RYR3: variants seen among roughly 807,000 people sequenced by gnomAD.
RYR3 encodes ryanodine receptor 3, also known as brain ryanodine receptor-calcium release channel.
RYR3 carries 207 observed loss-of-function variants against 584.3 expected under a neutral mutation model. The ratio of observed to expected loss-of-function variants is 0.35; its 90% confidence interval spans 0.32 to 0.40. RYR3 has a LOEUF of 0.40. Ranked by LOEUF, RYR3 falls within the 10% of genes least tolerant of loss-of-function variation. RYR3 has a pLI of 1.00. For missense variants in RYR3, 5,616 were observed against 6,089.2 expected, an observed-to-expected ratio of 0.92 and a Z score of 2.59; for synonymous variants, 2,416 against 2,248.5, an observed-to-expected ratio of 1.07 and a Z score of -2.11.
intron 71 of RYR3, 26 bp downstream of exon 71, chr15:33,810,675 A>T: frequency 6.2e-7 from 1 of 1,613,584 alleles, no homozygotes; most frequent in Non-Finnish European, 8.5e-7. Context: ...GCCTGGGCTG[A>T]GTGTGTGATC....
chr15:33,865,397 C>G lies in RYR3; in HGVS notation c.*171C>G, dbSNP rs1597153688. On this transcript the variant is annotated 3_prime_UTR_variant, in exon 104 of 104. Coordinates refer to ENST00000634891, the MANE Select transcript of RYR3 (RefSeq NM_001036.6). ...TTGAAATTGATTTGGCTTTTTGTGC[C>G]TAATGGACATACACTGTGGGAGAGA... is the stretch of plus-strand genomic sequence containing the variant. 1 of 589,244 alleles carries G rather than the reference C, an allele frequency of 1.7e-6. No individual in the cohort carries two copies. The allele number at this position is 589,244 out of a possible 1,614,324, so 36.5% of individuals were successfully genotyped here. A position where few individuals can be genotyped will look rare whatever the true frequency, so the allele number is the denominator to read the frequency against.
chr15:33,388,611 A>G (rs1229266088), intron 1 of RYR3, among the ~76,000 whole-genome samples: 1 of 152,236 alleles, frequency 6.6e-6, no homozygotes, highest in Non-Finnish European at 1.5e-5. Flanking sequence ...ATAAAATGCT[A>G]TAAAATAAAG....
At chr15:33,464,896 C>G (rs1413875237) in intron 1 of RYR3, among the ~76,000 whole-genome samples, 7 of 152,130 alleles carry the variant, frequency 4.6e-5, no homozygotes, top group Non-Finnish European at 1.0e-4. Flanking sequence ...CCCACTGTCC[C>G]CATCCCCCCT....
chr15:33,550,215 A>G lies in RYR3; in HGVS notation c.871A>G (p.Thr291Ala). Reference protein sequence around the residue: ...GQAFRLRHLTTGHYLALTEDQ... With the variant: ...GQAFRLRHLTAGHYLALTEDQ... ...GGCTTTCCGACTCCGGCATCTCACCACAGGCCACTACCTGGCCTTGACAGA... is the reference window on the plus strand; with the variant it reads ...GGCTTTCCGACTCCGGCATCTCACCGCAGGCCACTACCTGGCCTTGACAGA... Residue 291 changes from threonine (T) to alanine (A), a missense_variant, in exon 10 of 104, where the codon ACA (threonine) becomes GCA (alanine). This residue lies in a region of RYR3 where 1,284 missense variants were observed against 1,344.6 expected (regional missense o/e 0.95). Coordinates refer to ENST00000634891, the MANE Select transcript of RYR3 (RefSeq NM_001036.6). 1.2e-6 allele frequency: 2 copies of G among 1,613,778 alleles called. No individual in the cohort carries two copies. The highest frequency in any genetic ancestry group is 1.7e-6 in the Non-Finnish European group (2 of 1,179,786).
chr15:33,556,470 TA>T (rs1258818369), intron 10 of RYR3, among the ~76,000 whole-genome samples: 1 of 152,226 alleles, frequency 6.6e-6, no homozygotes, highest in Non-Finnish European at 1.5e-5. Context: ...AATGCTGCAT[TA>T]GAGTTCAAAA....
intron 11 of RYR3, among the ~76,000 whole-genome samples, chr15:33,564,994 C>T (rs543699457): frequency 6.6e-6 from 1 of 152,252 alleles, no homozygotes; most frequent in African/African-American, 2.4e-5. Flanking sequence ...ACCAATCGAG[C>T]ACAAACAGAA....
At chr15:33,405,470 A>T (rs2042958414) in intron 1 of RYR3, among the ~76,000 whole-genome samples, 1 of 152,200 alleles carries the variant, frequency 6.6e-6, no homozygotes, top group African/African-American at 2.4e-5. Context: ...AGTAGAAAGA[A>T]AGAGTTGAAG....
chr15:33,744,199 AT>A (rs1216062000), intron 52 of RYR3, among the ~76,000 whole-genome samples: 1 of 152,086 alleles, frequency 6.6e-6, no homozygotes, highest in Non-Finnish European at 1.5e-5. Context: ...CTAGGATGGC[AT>A]TTTTCAGATT....
chr15:33,430,761 C>T (rs963088310), intron 1 of RYR3, among the ~76,000 whole-genome samples: 1 of 152,180 alleles, frequency 6.6e-6, no homozygotes, highest in African/African-American at 2.4e-5. Flanking sequence ...TTGCTTATCA[C>T]GTTGCTCATT....
At position 33,313,107 on chromosome 15, in the gene RYR3, G is replaced by A. The variant is rs144416618; in HGVS notation, c.51+2011G>A. Among the ~76,000 whole-genome samples the A allele has an allele frequency of 1.4e-3, 217 of 152,296 alleles. 1 individual carries two copies. Among genetic ancestry groups the A allele is most frequent in the African/African-American group, 5.1e-3 (210 of 41,566 alleles). On this transcript the variant is annotated intron_variant, in intron 1 of 103. Transcript: ENST00000634891. ...CATGGGGGCAGTGACTCCAAATGTGGCGTTATTGGTTCTTTTCCTTCTAGT... is the reference window on the plus strand; with the variant it reads ...CATGGGGGCAGTGACTCCAAATGTGACGTTATTGGTTCTTTTCCTTCTAGT...
At chr15:33,640,958 G>C (rs1251540040) in intron 27 of RYR3, among the ~76,000 whole-genome samples, 2 of 152,210 alleles carry the variant, frequency 1.3e-5, no homozygotes, top group African/African-American at 4.8e-5. Context: ...CTTTATGACA[G>C]ATAGTAATGC....
chr15:33,809,990 G>C (rs1388026896), intron 70 of RYR3, among the ~76,000 whole-genome samples: 1 of 152,122 alleles, frequency 6.6e-6, no homozygotes, highest in Non-Finnish European at 1.5e-5. Context: ...TCCTTTTCCT[G>C]TAAGAATTTG....
intron 46 of RYR3, 80 bp downstream of exon 46, chr15:33,726,586 T>G: frequency 6.9e-7 from 1 of 1,439,172 alleles, no homozygotes; most frequent in Non-Finnish European, 9.2e-7. Flanking sequence ...CCCAGCACAG[T>G]GGCCCCCAGG....
chr15:33,752,574 T>G (rs1012444305), intron 57 of RYR3, among the ~76,000 whole-genome samples: 1 of 152,232 alleles, frequency 6.6e-6, no homozygotes, highest in African/African-American at 2.4e-5. Flanking sequence ...TTTTGCACAT[T>G]GATTTTGTAT....
intron 14 of RYR3, among the ~76,000 whole-genome samples, chr15:33,583,346 G>T (rs1043459992): frequency 6.6e-6 from 1 of 152,164 alleles, no homozygotes; most frequent in African/African-American, 2.4e-5. Flanking sequence ...TTCCTTTAGC[G>T]CTGAAGATTA....
intron 26 of RYR3, 26 bp from the exon 27 acceptor site, chr15:33,636,350 C>G: frequency 1.9e-6 from 3 of 1,610,232 alleles, no homozygotes; most frequent in Non-Finnish European, 1.7e-6. Context: ...CTCCATTTCT[C>G]TAAGCCCTAG....
intron 1 of RYR3, among the ~76,000 whole-genome samples, chr15:33,429,115 A>G (rs1056786248): frequency 6.6e-6 from 1 of 152,126 alleles, no homozygotes; most frequent in Non-Finnish European, 1.5e-5. Flanking sequence ...TCGTCTTCTC[A>G]TACTCCCTTA....
chr15:33,618,536 G>A (rs963604211), intron 19 of RYR3, among the ~76,000 whole-genome samples: 1 of 152,210 alleles, frequency 6.6e-6, no homozygotes, highest in African/African-American at 2.4e-5. Flanking sequence ...AACTCAGATT[G>A]TTCTCCAGTC....
chr15:33,826,799 A>G, intron 84 of RYR3, 47 bp downstream of exon 84: 1 of 1,379,240 alleles, frequency 7.3e-7, no homozygotes, highest in Non-Finnish European at 1.0e-6. Flanking sequence ...CACTCGGGCA[A>G]AACTAGAATT....
Sources: allele counts gnomAD v4.1 joint callset (sites outside exome capture counted in the v4.1 genomes callset), GRCh38; gene constraint gnomAD v4.1.1; regional missense constraint gnomAD v4.1.1; transcripts MANE v1.5; gene names NCBI Gene and HGNC (gene_info 2026-07-23, HGNC 2026-07-21).